The following TMTC2 variants were observed in gnomAD, a reference collection of about 807,000 sequenced individuals.
The protein encoded by TMTC2 is transmembrane O-mannosyltransferase targeting cadherins 2.
A neutral mutation model predicts 82.4 loss-of-function variants in TMTC2; 43 were observed. The observed-to-expected ratio is 0.52, with a 90% CI of 0.41 to 0.67. The LOEUF is 0.67. Among genes scored for constraint, TMTC2 ranks in the 30% least tolerant of loss-of-function variants. TMTC2 has a pLI of 0.00. For missense variants in TMTC2, 919 were observed against 1,012.4 expected, an observed-to-expected ratio of 0.91 and a Z score of 1.25; for synonymous variants, 408 against 381.9, an observed-to-expected ratio of 1.07 and a Z score of -0.80.
At chr12:82,798,738 C>T (rs1301045259) in intron 1 of TMTC2, among the ~76,000 whole-genome samples, 4 of 139,386 alleles carry the variant, frequency 2.9e-5, no homozygotes, top group Admixed American at 2.4e-4. Flanking sequence ...ACCCGGAAGG[C>T]GGAGGTTGTA....
chr12:82,887,707 T>C (rs984973432), intron 2 of TMTC2, among the ~76,000 whole-genome samples: 1 of 152,218 alleles, frequency 6.6e-6, no homozygotes, highest in Non-Finnish European at 1.5e-5. Flanking sequence ...TTTTTGTTTA[T>C]CAGAAAAGTG....
intron 11 of TMTC2, among the ~76,000 whole-genome samples, chr12:83,096,233 A>T (rs1443978132): frequency 6.6e-6 from 1 of 152,232 alleles, no homozygotes; most frequent in Non-Finnish European, 1.5e-5. Flanking sequence ...CAGTGTGAGA[A>T]ATATGAAGCT....
chr12:82,848,668 G>T (rs1257100842), intron 1 of TMTC2, among the ~76,000 whole-genome samples: 1 of 152,098 alleles, frequency 6.6e-6, no homozygotes, highest in African/African-American at 2.4e-5. Flanking sequence ...ACAGAAGAGG[G>T]AATGTTAAGA....
intron 1 of TMTC2, among the ~76,000 whole-genome samples, chr12:82,732,501 C>T (rs765381018): frequency 1.3e-5 from 2 of 152,146 alleles, no homozygotes; most frequent in Non-Finnish European, 1.5e-5. Flanking sequence ...CGCCACCACG[C>T]TTGGCTAATT....
In TMTC2 at chr12:82,817,418, A is replaced by G. The variant is rs115283519; in HGVS notation, c.84-39592A>G. 5.9e-3 allele frequency among the ~76,000 whole-genome samples: 903 copies of G among 152,222 alleles called. 10 individuals are homozygous for G. Among genetic ancestry groups the G allele is most frequent in the African/African-American group, 0.021 (861 of 41,542 alleles). On this transcript the variant is annotated intron_variant, in intron 1 of 11. Coordinates refer to ENST00000321196, the MANE Select transcript of TMTC2 (RefSeq NM_152588.3). ...ATAGTATTCTTCAGGAGTTCAGCCT[A>G]TAGTTCAGTTGTTCTTTTTGGTACA...
intron 7 of TMTC2, among the ~76,000 whole-genome samples, chr12:82,983,557 C>T (rs1345542675): frequency 6.6e-6 from 1 of 152,006 alleles, no homozygotes; most frequent in East Asian, 1.9e-4. Context: ...ATTTGTATTT[C>T]AGAAGTGCTC....
intron 1 of TMTC2, among the ~76,000 whole-genome samples, chr12:82,824,183 C>T (rs544324709): frequency 1.3e-5 from 2 of 152,254 alleles, no homozygotes; most frequent in African/African-American, 4.8e-5. Flanking sequence ...CCTGGGCCAC[C>T]GCGCCTGGCC....
intron 11 of TMTC2, among the ~76,000 whole-genome samples, chr12:83,090,278 T>C (rs1297410023): frequency 6.6e-6 from 1 of 152,166 alleles, no homozygotes; most frequent in Non-Finnish European, 1.5e-5. Flanking sequence ...AAGAAACCAA[T>C]TACAGTTAGA....
chr12:82,842,321 G>A (rs1168514807), intron 1 of TMTC2, among the ~76,000 whole-genome samples: 1 of 152,126 alleles, frequency 6.6e-6, no homozygotes, highest in Non-Finnish European at 1.5e-5. Flanking sequence ...GTTAGCATTA[G>A]TGCCTTGTTG....
chr12:83,108,448 G>A (rs1884491088), intron 11 of TMTC2, among the ~76,000 whole-genome samples: 1 of 152,066 alleles, frequency 6.6e-6, no homozygotes, highest in South Asian at 2.1e-4. Flanking sequence ...TGGCCAACAT[G>A]TCAAACCCCC....
At chr12:82,725,937 A>G (rs1031103078) in intron 1 of TMTC2, among the ~76,000 whole-genome samples, 1 of 152,128 alleles carries the variant, frequency 6.6e-6, no homozygotes, top group Admixed American at 6.5e-5. Context: ...TCCCTTTCAC[A>G]CCTTTAAAAG....
At chr12:83,045,129 C>G (rs1026157299) in intron 9 of TMTC2, among the ~76,000 whole-genome samples, 1 of 152,142 alleles carries the variant, frequency 6.6e-6, no homozygotes, top group African/African-American at 2.4e-5. Flanking sequence ...CAGTTCAATA[C>G]AAAACAATTG....
chr12:82,912,932 C>T (rs1292355250), intron 3 of TMTC2, among the ~76,000 whole-genome samples: 2 of 92,886 alleles, frequency 2.2e-5, no homozygotes, highest in African/African-American at 6.9e-5. Context: ...GAGTTGAGAC[C>T]TTGTCTGAAA....
chr12:82,927,668 A>G (rs1875799751), intron 3 of TMTC2, among the ~76,000 whole-genome samples: 1 of 152,180 alleles, frequency 6.6e-6, no homozygotes, highest in Non-Finnish European at 1.5e-5. Flanking sequence ...GGCAGACTTT[A>G]TGTTGTCTTA....
intron 1 of TMTC2, among the ~76,000 whole-genome samples, chr12:82,699,975 T>G (rs750615668): frequency 1.3e-5 from 2 of 152,178 alleles, no homozygotes; most frequent in Non-Finnish European, 2.9e-5. Flanking sequence ...ATTTATATAG[T>G]ACTTGTATTA....
intron 2 of TMTC2, among the ~76,000 whole-genome samples, chr12:82,865,657 G>A (rs185750248): frequency 3.8e-4 from 58 of 152,108 alleles, no homozygotes; most frequent in Admixed American, 3.0e-3. Flanking sequence ...TGCACCAAGC[G>A]GACCTAATAG....
intron 7 of TMTC2, among the ~76,000 whole-genome samples, chr12:82,968,227 T>A (rs979354936): frequency 1.3e-5 from 2 of 152,156 alleles, no homozygotes; most frequent in Admixed American, 1.3e-4. Context: ...AATTGTCACT[T>A]TTTTCCTCTT....
intron 11 of TMTC2, among the ~76,000 whole-genome samples, chr12:83,073,963 G>A (rs1883200043): frequency 6.6e-6 from 1 of 151,860 alleles, no homozygotes; most frequent in Non-Finnish European, 1.5e-5. Flanking sequence ...CTAACCTCCT[G>A]GATTCTTTTT....
At chr12:82,714,396 A>G (rs2136917896) in intron 1 of TMTC2, among the ~76,000 whole-genome samples, 1 of 152,344 alleles carries the variant, frequency 6.6e-6, no homozygotes, top group East Asian at 1.9e-4. Flanking sequence ...GTGGATTATA[A>G]TAGAAAAATG....
Sources: allele counts gnomAD v4.1 joint callset (sites outside exome capture counted in the v4.1 genomes callset), GRCh38; gene constraint gnomAD v4.1.1; transcripts MANE v1.5; gene names NCBI Gene and HGNC (gene_info 2026-07-23, HGNC 2026-07-21).